Variants in MGAT4C observed in about 807,000 individuals in gnomAD.
MGAT4C encodes the protein MGAT4 family member C.
In MGAT4C, 19 loss-of-function variants were observed where a neutral mutation model predicts 40.1. That is an observed-to-expected ratio of 0.47 (90% CI 0.33 to 0.70). The LOEUF is 0.70. MGAT4C is among the 30% of genes least tolerant of loss of function. The probability of loss-of-function intolerance (pLI) is 0.02; values close to 1 mark genes in which losing one functional copy is unlikely to be tolerated. For missense variants in MGAT4C, 491 were observed against 563.2 expected, an observed-to-expected ratio of 0.87 and a Z score of 1.30; for synonymous variants, 181 against 187.1, an observed-to-expected ratio of 0.97 and a Z score of 0.27.
intron 2 of MGAT4C, among the ~76,000 whole-genome samples, chr12:86,456,583 A>C (rs747445007): frequency 6.6e-5 from 10 of 152,218 alleles, no homozygotes; most frequent in Admixed American, 1.3e-4. Flanking sequence ...TCATTATAGA[A>C]TATAATCTGA....
At chr12:86,094,322 T>C (rs1442252861) in intron 1 of MGAT4C, among the ~76,000 whole-genome samples, 2 of 152,182 alleles carry the variant, frequency 1.3e-5, no homozygotes, top group South Asian at 2.1e-4. Flanking sequence ...AAAAGATCAG[T>C]AAATAAATTA....
At chr12:86,283,284 G>T (rs1441695205) in intron 4 of MGAT4C, among the ~76,000 whole-genome samples, 1 of 151,984 alleles carries the variant, frequency 6.6e-6, no homozygotes, top group Admixed American at 6.6e-5. Flanking sequence ...TTGTTATTCA[G>T]ATTCTAAACA....
chr12:86,305,298 G>C (rs1317673516), intron 4 of MGAT4C, among the ~76,000 whole-genome samples: 2 of 149,938 alleles, frequency 1.3e-5, no homozygotes, highest in African/African-American at 2.5e-5. Flanking sequence ...AATTAGCCGG[G>C]CATGGTGGCG....
chr12:86,009,112 A>C (rs1018762525), intron 2 of MGAT4C, among the ~76,000 whole-genome samples: 1 of 152,158 alleles, frequency 6.6e-6, no homozygotes, highest in Non-Finnish European at 1.5e-5. Flanking sequence ...GTCTAGGGCT[A>C]ATTTTGCCTT....
intron 1 of MGAT4C, among the ~76,000 whole-genome samples, chr12:86,187,709 T>C (rs1321998000): frequency 6.6e-6 from 1 of 151,234 alleles, no homozygotes; most frequent in Admixed American, 6.6e-5. Context: ...ACAATGCTAC[T>C]ACTTGGCTGT....
intron 2 of MGAT4C, among the ~76,000 whole-genome samples, chr12:86,446,829 G>A (rs1957349719): frequency 6.6e-6 from 1 of 150,524 alleles, no homozygotes; most frequent in African/African-American, 2.4e-5. Flanking sequence ...CTATGAGAGG[G>A]AGATGGTAAT....
chr12:86,561,204 C>G (rs1235463796), intron 2 of MGAT4C, among the ~76,000 whole-genome samples: 1 of 152,094 alleles, frequency 6.6e-6, no homozygotes, highest in Admixed American at 6.6e-5. Flanking sequence ...ATACTCATGA[C>G]ATTTTTATCA....
intron 2 of MGAT4C, among the ~76,000 whole-genome samples, chr12:86,712,241 G>T (rs1179928706): frequency 1.3e-5 from 2 of 151,964 alleles, no homozygotes; most frequent in Non-Finnish European, 2.9e-5. Context: ...TATACATACA[G>T]AATTTATGCT....
intron 2 of MGAT4C, among the ~76,000 whole-genome samples, chr12:85,994,470 A>T (rs73187656): frequency 0.13 from 20,138 of 152,206 alleles, 1,814 homozygotes; most frequent in Non-Finnish European, 0.2. Flanking sequence ...AGACAGAACA[A>T]AATAAATGTC....
chr12:86,585,782 G>A (rs770848163), intron 2 of MGAT4C, among the ~76,000 whole-genome samples: 1 of 109,206 alleles, frequency 9.2e-6, no homozygotes, highest in Non-Finnish European at 1.9e-5. Context: ...CCACTTTATT[G>A]AAACAATTTT....
chr12:86,059,729 A>T (rs1049725989), intron 1 of MGAT4C, among the ~76,000 whole-genome samples: 1 of 152,198 alleles, frequency 6.6e-6, no homozygotes, highest in African/African-American at 2.4e-5. Flanking sequence ...GCTGATTACA[A>T]GGAGCTAAAG....
At chr12:86,122,864 G>C (rs1566015427) in intron 1 of MGAT4C, among the ~76,000 whole-genome samples, 1 of 152,202 alleles carries the variant, frequency 6.6e-6, no homozygotes, top group East Asian at 1.9e-4. Flanking sequence ...TACAAATTGT[G>C]TCAACACAGA....
At chr12:86,774,719 A>G (rs1319482886) in intron 1 of MGAT4C, among the ~76,000 whole-genome samples, 9 of 152,028 alleles carry the variant, frequency 5.9e-5, no homozygotes, top group Admixed American at 5.2e-4. Flanking sequence ...ATTTTAATTT[A>G]CCATTCAAAA....
In MGAT4C at chr12:85,997,534, T is replaced by C. The variant is rs1004845686; in HGVS notation, c.-6-7982A>G. ...AGACTGTAAAATCAAAGCAAGCTAG[T>C]TACTGCCTAGATACAATGGAGGTAC... On this transcript the variant is annotated intron_variant, in intron 2 of 4. Coordinates refer to ENST00000611864, the MANE Select transcript of MGAT4C (RefSeq NM_001351288.2). Among the ~76,000 whole-genome samples the C allele has an allele frequency of 3.9e-5, 6 of 152,316 alleles. No individual in the cohort carries two copies. In the South Asian group the frequency reaches 6.2e-4, roughly 16 times the overall value.
chr12:86,049,525 G>T, intron 2 of MGAT4C, 149 bp downstream of exon 2: 1 of 213,100 alleles, frequency 4.7e-6, no homozygotes, highest in Non-Finnish European at 8.1e-6. Flanking sequence ...CAACACTATT[G>T]AAGAAATAAC....
rs148978983 is a variant in MGAT4C at position 86,516,098 on chromosome 12, T to G, written c.-228-80833A>C. ...GCCAACATTTTTTTTTCCCAGAAAC[T>G]GAAAAGCAGATTCTAAAATTCACAT... On this transcript the variant is annotated intron_variant, in intron 2 of 7. Transcript: ENST00000548651. Among the ~76,000 whole-genome samples the G allele has an allele frequency of 1.4e-3, 219 of 151,926 alleles. 1 individual carries two copies. The highest frequency in any genetic ancestry group is 5.0e-3 in the African/African-American group (206 of 41,466).
chr12:86,614,956 T>C (rs1962403764), intron 2 of MGAT4C, among the ~76,000 whole-genome samples: 1 of 152,018 alleles, frequency 6.6e-6, no homozygotes, highest in Admixed American at 6.6e-5. Context: ...ATTGGGATTA[T>C]GGGTATTATT....
At chr12:86,460,878 C>A (rs906893910) in intron 2 of MGAT4C, among the ~76,000 whole-genome samples, 2 of 151,932 alleles carry the variant, frequency 1.3e-5, no homozygotes, top group Non-Finnish European at 2.9e-5. Context: ...ACAGAAATAG[C>A]CCACTTTTTA....
intron 1 of MGAT4C, among the ~76,000 whole-genome samples, chr12:86,788,441 T>C (rs1951970066): frequency 6.6e-6 from 1 of 151,978 alleles, no homozygotes; most frequent in Admixed American, 6.6e-5. Context: ...GAAGCACCAA[T>C]TACAATGACA....
Sources: gnomAD v4.1 joint callset for allele counts (sites outside exome capture counted in the v4.1 genomes callset) on GRCh38, gnomAD v4.1.1 for gene constraint, MANE v1.5 for transcripts, NCBI Gene and HGNC (gene_info 2026-07-23, HGNC 2026-07-21) for gene names.